Variants in FBXW10B observed in about 807,000 individuals in gnomAD.
FBXW10B encodes F-box and WD repeat domain containing protein 10B.
chr17:15,619,551 T>C, the FBXW10B span: 1 of 1,593,906 alleles, frequency 6.3e-7, no homozygotes, highest in Non-Finnish European at 8.6e-7. Flanking sequence ...CCTGCGCACT[T>C]GCAACGGCAA....
At chr17:15,616,348 T>C in the FBXW10B span, among the ~76,000 whole-genome samples, 7 of 151,770 alleles carry the variant, frequency 4.6e-5, no homozygotes, top group East Asian at 1.4e-3. Flanking sequence ...TTTTGTATTT[T>C]TAGTACAGAT....
chr17:15,611,962 A>G, the FBXW10B span, among the ~76,000 whole-genome samples: 7 of 152,192 alleles, frequency 4.6e-5, no homozygotes, highest in East Asian at 5.8e-4. Flanking sequence ...AGCCAAATTC[A>G]TCTAGGCCCT....
At chr17:15,601,326 G>A in the FBXW10B span, among the ~76,000 whole-genome samples, 33,116 of 146,754 alleles carry the variant, frequency 0.23, 4,149 homozygotes, top group East Asian at 0.36. Flanking sequence ...GGAGAATGGC[G>A]TGAACCCAGG....
the FBXW10B span, among the ~76,000 whole-genome samples, chr17:15,567,273 A>T: frequency 2.8e-4 from 15 of 53,676 alleles, no homozygotes; most frequent in African/African-American, 5.0e-4. Context: ...CTCCATCTCA[A>T]AAAAAAAAAA....
At chr17:15,611,766 TG>T in the FBXW10B span, among the ~76,000 whole-genome samples, 3 of 151,924 alleles carry the variant, frequency 2.0e-5, no homozygotes, top group Non-Finnish European at 2.9e-5. Flanking sequence ...TTTAAGCAGG[TG>T]GGGGGGCGCA....
the FBXW10B span, among the ~76,000 whole-genome samples, chr17:15,590,262 A>G: frequency 4.6e-5 from 7 of 151,704 alleles, no homozygotes; most frequent in African/African-American, 7.3e-5. Flanking sequence ...GTGAGGGCTC[A>G]ATTTGGGATC....
chr17:15,592,736 T>C, the FBXW10B span, among the ~76,000 whole-genome samples: 1 of 151,838 alleles, frequency 6.6e-6, no homozygotes, highest in African/African-American at 2.4e-5. Context: ...GGGCTGCACA[T>C]TGGTAGAACT....
the FBXW10B span, among the ~76,000 whole-genome samples, chr17:15,608,439 C>T: frequency 0.21 from 31,885 of 149,574 alleles, 3,710 homozygotes; most frequent in East Asian, 0.42. Flanking sequence ...GGATTACAGG[C>T]GTGAGCCACC....
the FBXW10B span, among the ~76,000 whole-genome samples, chr17:15,591,028 G>A: frequency 6.6e-6 from 1 of 152,060 alleles, no homozygotes; most frequent in Admixed American, 6.5e-5. Flanking sequence ...TCAGTCCCAG[G>A]CCATGGAGAA....
At chr17:15,617,293 T>C in the FBXW10B span, among the ~76,000 whole-genome samples, 6 of 152,176 alleles carry the variant, frequency 3.9e-5, no homozygotes, top group Non-Finnish European at 8.8e-5. Flanking sequence ...TCTACAAATA[T>C]GACCACCTGT....
the FBXW10B span, among the ~76,000 whole-genome samples, chr17:15,594,262 G>A: frequency 3.3e-5 from 5 of 152,022 alleles, no homozygotes; most frequent in Non-Finnish European, 5.9e-5. Flanking sequence ...CATGAGGTCA[G>A]GAGATTAAAA....
chr17:15,601,929 A>G, the FBXW10B span, among the ~76,000 whole-genome samples: 8 of 152,098 alleles, frequency 5.3e-5, no homozygotes, highest in Non-Finnish European at 1.2e-4. Context: ...TGGCTAGCAC[A>G]GAGAAACCTT....
the FBXW10B span, among the ~76,000 whole-genome samples, chr17:15,581,413 T>C: frequency 0.21 from 31,295 of 152,152 alleles, 3,336 homozygotes; most frequent in Middle Eastern, 0.25. Flanking sequence ...CACACTTGCT[T>C]CATCTTGCCC....
chr17:15,596,465 A>G, the FBXW10B span: 1 of 1,448,494 alleles, frequency 6.9e-7, no homozygotes, highest in South Asian at 1.3e-5. Context: ...GAGCCCACCC[A>G]TCTCCTCCCC....
the FBXW10B span, among the ~76,000 whole-genome samples, chr17:15,587,711 C>T: frequency 6.6e-6 from 1 of 152,070 alleles, no homozygotes; most frequent in Admixed American, 6.6e-5. Context: ...AACACTGCAA[C>T]CCTGTGCATA....
At chr17:15,591,653 A>G in the FBXW10B span, among the ~76,000 whole-genome samples, 1 of 152,134 alleles carries the variant, frequency 6.6e-6, no homozygotes, top group Non-Finnish European at 1.5e-5. Flanking sequence ...TAGGGTGCCA[A>G]GAAGGTACTC....
the FBXW10B span, among the ~76,000 whole-genome samples, chr17:15,579,767 G>T: frequency 0.012 from 1,895 of 152,294 alleles, 32 homozygotes; most frequent in African/African-American, 0.044. Flanking sequence ...TAAAAGTCAG[G>T]TAATTTAAAT....
At chr17:15,614,583 A>G in the FBXW10B span, among the ~76,000 whole-genome samples, 11 of 152,212 alleles carry the variant, frequency 7.2e-5, no homozygotes, top group African/African-American at 2.6e-4. Flanking sequence ...CTGAAATGAT[A>G]TTGTGCCTGG....
chr17:15,585,211 T>C, the FBXW10B span, among the ~76,000 whole-genome samples: 1 of 152,062 alleles, frequency 6.6e-6, no homozygotes, highest in Non-Finnish European at 1.5e-5. Context: ...AACACAGAGG[T>C]ATCTTTGTAA....
Sources: gnomAD v4.1 joint callset for allele counts (sites outside exome capture counted in the v4.1 genomes callset) on GRCh38, gnomAD v4.1.1 for gene constraint, MANE v1.5 for transcripts, NCBI Gene and HGNC (gene_info 2026-07-23, HGNC 2026-07-21) for gene names.